Variants in RPTOR observed in about 807,000 individuals in gnomAD.
RPTOR encodes regulatory associated protein of MTOR complex 1.
Under a neutral mutation model 169.9 loss-of-function variants are expected in RPTOR, and 21 were observed. That is an observed-to-expected ratio of 0.12 (90% CI 0.09 to 0.18). The LOEUF (loss-of-function observed/expected upper bound fraction) is 0.18. RPTOR is among the 10% of genes least tolerant of loss of function. RPTOR has a pLI of 1.00. For missense variants in RPTOR, 1,133 were observed against 1,855.9 expected (o/e 0.61, Z 7.16); for synonymous variants, 732 against 753.2 (o/e 0.97, Z 0.46).
At position 80,883,437 on chromosome 17, in the gene RPTOR, A is replaced by T; in HGVS notation, c.1603A>T (p.Thr535Ser). The stretch of plus-strand genomic sequence containing the variant: ...TTTCCAGGCTGAACACCGGACCATG[A>T]CGGCTTTCATTCTCGCCGTGATCGT... ...PYMPAEHRTM[T>S]AFILAVIVNS... The change falls in exon 15 of 34, where the codon ACG becomes TCG. Residue 535 changes from threonine (T) to serine (S), a missense_variant. Coordinates refer to ENST00000306801, the MANE Select transcript of RPTOR (RefSeq NM_020761.3). 2 of 1,614,106 alleles carry T rather than the reference A, an allele frequency of 1.2e-6. No individual in the cohort carries two copies. Among genetic ancestry groups the T allele is most frequent in the Non-Finnish European group, 1.7e-6 (2 of 1,180,020 alleles).
intron 1 of RPTOR, among the ~76,000 whole-genome samples, chr17:80,554,577 A>T (rs985963606): frequency 3.3e-5 from 5 of 152,064 alleles, no homozygotes; most frequent in African/African-American, 4.8e-5. Context: ...CCCCATCTCT[A>T]CTAAAAAATA....
intron 3 of RPTOR, among the ~76,000 whole-genome samples, chr17:80,666,092 C>T (rs2143665334): frequency 6.6e-6 from 1 of 152,234 alleles, no homozygotes. Flanking sequence ...AAGAGCTATA[C>T]TTTCGATGCC....
chr17:80,761,943 A>T (rs534621332), intron 6 of RPTOR, among the ~76,000 whole-genome samples: 24 of 152,268 alleles, frequency 1.6e-4, no homozygotes, highest in Admixed American at 8.5e-4. Context: ...AGGCAAGTTT[A>T]ATTTGGAATT....
intron 3 of RPTOR, among the ~76,000 whole-genome samples, chr17:80,687,120 A>G (rs1279430377): frequency 1.3e-5 from 2 of 152,182 alleles, no homozygotes; most frequent in Non-Finnish European, 2.9e-5. Flanking sequence ...TTCTGCAGGC[A>G]AAGTGCTAAT....
intron 25 of RPTOR, among the ~76,000 whole-genome samples, chr17:80,944,638 A>G (rs2069075518): frequency 6.6e-6 from 1 of 152,148 alleles, no homozygotes; most frequent in African/African-American, 2.4e-5. Context: ...GTGCCTCTCC[A>G]AGTCCCCAAG....
intron 13 of RPTOR, among the ~76,000 whole-genome samples, chr17:80,876,524 G>A (rs1353294160): frequency 1.4e-5 from 1 of 73,510 alleles, no homozygotes; most frequent in Admixed American, 1.2e-4. Context: ...CAGGGTGTGT[G>A]TGTCGCCTGC....
chr17:80,844,944 G>A lies in RPTOR; in HGVS notation c.1213-1529G>A, dbSNP rs1445525450. Among the ~76,000 whole-genome samples, 3 of 151,836 alleles carry A rather than the reference G, an allele frequency of 2.0e-5. No homozygotes were observed. Among genetic ancestry groups the A allele is most frequent in the Admixed American group, 2.0e-4 (3 of 15,264 alleles). Reference sequence around the variant, plus strand: ...AAAATCAAACAACGTAGGGAAGAGAGGATAGTGGATGGGAGAGAGAGGCTG... The same window carrying A: ...AAAATCAAACAACGTAGGGAAGAGAAGATAGTGGATGGGAGAGAGAGGCTG... On this transcript the variant is annotated intron_variant, in intron 10 of 33. Coordinates refer to ENST00000306801, the MANE Select transcript of RPTOR (RefSeq NM_020761.3). This position sits in a 1 kb window ranked among gnomAD's most constrained non-coding sequence, Gnocchi z 4.7.
chr17:80,884,380 G>A (rs2672875), intron 16 of RPTOR, among the ~76,000 whole-genome samples: 84,785 of 152,114 alleles, frequency 0.56, 24,472 homozygotes, highest in African/African-American at 0.71. Flanking sequence ...TGCCCACAGA[G>A]TGGCCGCGGG....
chr17:80,654,203 AAGG>A (rs2065662614), intron 3 of RPTOR, among the ~76,000 whole-genome samples: 1 of 152,208 alleles, frequency 6.6e-6, no homozygotes, highest in Non-Finnish European at 1.5e-5. Flanking sequence ...GCTACAGTAG[AAGG>A]AGATTCCCCC....
chr17:80,675,753 C>T (rs1366221202), intron 3 of RPTOR, among the ~76,000 whole-genome samples: 3 of 152,252 alleles, frequency 2.0e-5, no homozygotes, highest in African/African-American at 7.2e-5. Flanking sequence ...CACACCAGCA[C>T]ATCCGTGAAT....
intron 13 of RPTOR, among the ~76,000 whole-genome samples, chr17:80,858,401 G>T (rs1423717053): frequency 6.6e-6 from 1 of 152,280 alleles, no homozygotes; most frequent in African/African-American, 2.4e-5. Context: ...CCTTACACGG[G>T]GCTGTCCAGC....
chr17:80,724,731 C>T (rs1257755905), intron 4 of RPTOR, among the ~76,000 whole-genome samples: 1 of 152,226 alleles, frequency 6.6e-6, no homozygotes, highest in Non-Finnish European at 1.5e-5. Context: ...CGACTGTCTG[C>T]ACCTGCCCAG....
At chr17:80,783,638 C>T (rs1395042981) in intron 6 of RPTOR, among the ~76,000 whole-genome samples, 1 of 152,242 alleles carries the variant, frequency 6.6e-6, no homozygotes, top group African/African-American at 2.4e-5. Context: ...CTAAGGGGCT[C>T]CTCCGATATC....
rs1262842279 is a variant in RPTOR at position 80,857,780 on chromosome 17, T to C, written c.1399-10T>C. ...GGCACAGGTGCGCTGACGCCCTCCCTCGCCCCCAGGCCTTGTCTGTCGGCA... is the reference window on the plus strand; with the variant it reads ...GGCACAGGTGCGCTGACGCCCTCCCCCGCCCCCAGGCCTTGTCTGTCGGCA... On this transcript the variant is annotated splice_polypyrimidine_tract_variant and intron_variant, in intron 12 of 33. Transcript: ENST00000306801. The C allele has an allele frequency of 6.2e-7, 1 of 1,601,976 alleles. No individual in the cohort carries two copies.
chr17:80,890,214 C>T (rs1412558876), intron 17 of RPTOR, among the ~76,000 whole-genome samples: 1 of 152,182 alleles, frequency 6.6e-6, no homozygotes, highest in African/African-American at 2.4e-5. Context: ...CCCACCACCT[C>T]GGTGCACGTT....
rs1004316086 is a variant in RPTOR, at chr17:80,961,497, T to C, written c.3692+17T>C. ...GAGTGTGAGGTGAGGAGCGCCGATA[T>C]TTAGCAGCCGTTCTGCTGTAAAAAC... On this transcript the variant is annotated intron_variant, in intron 31 of 33. Transcript: ENST00000306801. 5.2e-6 allele frequency: 8 copies of C among 1,546,686 alleles called. No individual in the cohort carries two copies. The highest frequency in any genetic ancestry group is 5.2e-6 in the Non-Finnish European group (6 of 1,145,524).
At chr17:80,731,122 G>T (rs917510950) in intron 5 of RPTOR, among the ~76,000 whole-genome samples, 1 of 152,108 alleles carries the variant, frequency 6.6e-6, no homozygotes, top group African/African-American at 2.4e-5. Context: ...CAAGCAACGC[G>T]TGTGCCTCAG....
intron 3 of RPTOR, among the ~76,000 whole-genome samples, chr17:80,657,864 T>A (rs1389478299): frequency 6.6e-6 from 1 of 152,256 alleles, no homozygotes; most frequent in African/African-American, 2.4e-5. Context: ...TCTCACCTGT[T>A]CTTTATTTTT....
chr17:80,885,128 G>A lies in RPTOR; in HGVS notation c.1963G>A (p.Gly655Arg), dbSNP rs2143844760. 6.4e-7 allele frequency: 1 copy of A among 1,562,192 alleles called. No individual in the cohort carries two copies. Among genetic ancestry groups the A allele is most frequent in the Non-Finnish European group, 8.7e-7 (1 of 1,153,490 alleles). ...AMMLAQLVSD[G>R]SPMVRKELVV... ...GATGCTGGCCCAGCTGGTCAGCGAC[G>A]GGAGCCCCATGGTCCGGAAGGTGCG... The change falls in exon 17 of 34, where the codon GGG (glycine) becomes AGG (arginine). Residue 655 changes from glycine (G) to arginine (R), a missense_variant. This residue lies in a region of RPTOR where 150 missense variants were observed against 206.4 expected (regional missense o/e 0.73). Coordinates refer to ENST00000306801, the MANE Select transcript of RPTOR (RefSeq NM_020761.3).
Sources: allele counts gnomAD v4.1 joint callset (sites outside exome capture counted in the v4.1 genomes callset), GRCh38; gene constraint gnomAD v4.1.1; regional missense constraint gnomAD v4.1.1; non-coding constraint Gnocchi (gnomAD v3.1); transcripts MANE v1.5; gene names NCBI Gene and HGNC (gene_info 2026-07-23, HGNC 2026-07-21).